THSD7A: variants seen among roughly 807,000 people sequenced by gnomAD.
THSD7A encodes the protein thrombospondin type 1 domain containing 7A.
A neutral mutation model predicts 231.3 loss-of-function variants in THSD7A; 96 were observed. That is an observed-to-expected ratio of 0.41 (90% CI 0.35 to 0.49). The LOEUF is 0.49. Among genes scored for constraint, THSD7A ranks in the 20% least tolerant of loss-of-function variants. The pLI, the probability that THSD7A is intolerant of heterozygous loss-of-function variation, is 0.05. For missense variants in THSD7A, 2,290 were observed against 2,070.2 expected, an observed-to-expected ratio of 1.11 and a Z score of -2.06; for synonymous variants, 940 against 743.3, an observed-to-expected ratio of 1.26 and a Z score of -4.30.
chr7:11,482,179 C>T (rs1388332967), intron 6 of THSD7A, among the ~76,000 whole-genome samples, 197 bp from the exon 7 acceptor site: 1 of 152,158 alleles, frequency 6.6e-6, no homozygotes, highest in African/African-American at 2.4e-5. Context: ...CACACATATA[C>T]ACTCATGACC....
rs780182315 is a variant in THSD7A at position 11,401,942 on chromosome 7, A to G, written c.4264T>C (p.Ser1422Pro). ...PGDCYLKDWS[S>P]WSLCQLTCVN... ...CAGGTCAGCTGACACAGGCTCCAGG[A>G]AGACCAGTCCTTCAAATAACAGTCA... is the stretch of plus-strand genomic sequence containing the variant. Residue 1422 changes from serine to proline, a missense_variant, in exon 23 of 28, where the codon TCC (serine) becomes CCC (proline). Transcript: ENST00000423059. 6.2e-7 allele frequency: 1 copy of G among 1,613,542 alleles called. No individual in the cohort carries two copies. The highest frequency in any genetic ancestry group is 1.1e-5 in the South Asian group (1 of 90,980).
intron 13 of THSD7A, among the ~76,000 whole-genome samples, chr7:11,434,589 C>T (rs1784574184): frequency 6.6e-6 from 1 of 152,046 alleles, no homozygotes; most frequent in Non-Finnish European, 1.5e-5. Context: ...TGATTTATAG[C>T]TGTGTGAATG....
At chr7:11,587,821 G>C (rs62434529) in intron 4 of THSD7A, among the ~76,000 whole-genome samples, 185 of 152,170 alleles carry the variant, frequency 1.2e-3, no homozygotes, top group Middle Eastern at 3.4e-3. Context: ...AGTTAATAAA[G>C]GAAGTTTACA....
chr7:11,768,743 G>T (rs34132407), intron 1 of THSD7A, among the ~76,000 whole-genome samples: 46 of 151,910 alleles, frequency 3.0e-4, no homozygotes, highest in Non-Finnish European at 4.4e-5. Flanking sequence ...TTTATTCTAC[G>T]TTGTTAATTT....
chr7:11,615,859 T>C (rs1378133686), intron 2 of THSD7A, among the ~76,000 whole-genome samples: 1 of 152,170 alleles, frequency 6.6e-6, no homozygotes. Context: ...ATTTCCTCTA[T>C]TGTCTTGTTT....
At chr7:11,681,016 C>T (rs923681596) in intron 1 of THSD7A, among the ~76,000 whole-genome samples, 1 of 152,076 alleles carries the variant, frequency 6.6e-6, no homozygotes, top group African/African-American at 2.4e-5. Context: ...GAATAATATG[C>T]AGCCATAAAA....
chr7:11,607,469 A>T (rs988303191), intron 2 of THSD7A, among the ~76,000 whole-genome samples: 2 of 152,086 alleles, frequency 1.3e-5, no homozygotes, highest in African/African-American at 4.8e-5. Flanking sequence ...CTTCAATAAA[A>T]TTGTTCAACA....
chr7:11,583,607 A>G (rs1791266143), intron 4 of THSD7A, among the ~76,000 whole-genome samples: 1 of 151,922 alleles, frequency 6.6e-6, no homozygotes, highest in Non-Finnish European at 1.5e-5. Flanking sequence ...AGTATTTTCA[A>G]TCTTGGGAGT....
intron 1 of THSD7A, among the ~76,000 whole-genome samples, chr7:11,683,944 G>A (rs1054687622): frequency 1.3e-5 from 2 of 151,578 alleles, no homozygotes; most frequent in Non-Finnish European, 2.9e-5. Context: ...AAAACTACAG[G>A]CCAATATTCC....
At position 11,778,904 on chromosome 7, in the gene THSD7A, T is replaced by A. The variant is rs922992555; in HGVS notation, c.190+52853A>T. ...GTGCAGACTCTAAATTAAGAGCAAT[T>A]TATAAAGCACTTTTACATACTTTAT... On this transcript the variant is annotated intron_variant, in intron 1 of 27. Coordinates refer to ENST00000423059, the MANE Select transcript of THSD7A (RefSeq NM_015204.3). Among the ~76,000 whole-genome samples, 3 of 152,256 alleles carry A rather than the reference T, an allele frequency of 2.0e-5. No individual in the cohort carries two copies. The South Asian group carries it at 6.2e-4, about 32-fold the overall frequency.
At chr7:11,735,409 C>T (rs1443683519) in intron 1 of THSD7A, among the ~76,000 whole-genome samples, 1 of 151,918 alleles carries the variant, frequency 6.6e-6, no homozygotes. Context: ...AAATTCCATA[C>T]ATAAGCACTT....
chr7:11,411,233 A>T lies in THSD7A; in HGVS notation c.3772T>A (p.Ser1258Thr), dbSNP rs757215680. The T allele has an allele frequency of 6.2e-7, 1 of 1,613,758 alleles. No individual in the cohort carries two copies. Among genetic ancestry groups the T allele is most frequent in the African/African-American group, 1.3e-5 (1 of 75,028 alleles). Residue 1258 changes from serine (S) to threonine (T), a missense_variant, in exon 19 of 28, where the codon TCA (serine) becomes ACA (threonine). Coordinates refer to ENST00000423059, the MANE Select transcript of THSD7A (RefSeq NM_015204.3). This position sits in a 1 kb window ranked among gnomAD's most constrained non-coding sequence, Gnocchi z 4.1. ...MLDCVRSDGKSVDLKYCEALG... is the reference protein window; with the variant it reads ...MLDCVRSDGKTVDLKYCEALG... ...GCTTCACAATATTTCAGGTCAACTGACTTGCCATCACTTCGAACACAATCC... is the reference window on the plus strand; with the variant it reads ...GCTTCACAATATTTCAGGTCAACTGTCTTGCCATCACTTCGAACACAATCC...
At position 11,643,354 on chromosome 7, in the gene THSD7A, C is replaced by A. The variant is rs1043704906; in HGVS notation, c.191-6393G>T. ...AAATTTCTATTTGTTTTTACCCAAC[C>A]AAATCTCTGTAAAAAGATTAGAAAT... On this transcript the variant is annotated intron_variant, in intron 1 of 27. Transcript: ENST00000423059. 2.6e-5 allele frequency among the ~76,000 whole-genome samples: 4 copies of A among 151,936 alleles called. No individual in the cohort carries two copies. In the East Asian group the frequency reaches 5.8e-4, roughly 22 times the overall value.
chr7:11,767,127 T>A (rs1206318700), intron 1 of THSD7A, among the ~76,000 whole-genome samples: 1 of 152,028 alleles, frequency 6.6e-6, no homozygotes, highest in African/African-American at 2.4e-5. Flanking sequence ...TGGGAAGAAA[T>A]CAATAGTTCA....
intron 1 of THSD7A, among the ~76,000 whole-genome samples, chr7:11,796,260 C>G (rs2355093): frequency 0.74 from 110,446 of 149,956 alleles, 40,752 homozygotes; most frequent in East Asian, 0.79. Context: ...TTCTATATTT[C>G]TATTCTTGTG....
intron 1 of THSD7A, among the ~76,000 whole-genome samples, chr7:11,734,021 C>T (rs1239329451): frequency 6.6e-6 from 1 of 151,734 alleles, no homozygotes; most frequent in South Asian, 2.1e-4. Flanking sequence ...CTTTGTCTTC[C>T]CTTCTAACCT....
At chr7:11,795,429 G>C (rs1204886744) in intron 1 of THSD7A, among the ~76,000 whole-genome samples, 1 of 151,908 alleles carries the variant, frequency 6.6e-6, no homozygotes, top group East Asian at 1.9e-4. Context: ...CTATTTGTAG[G>C]AAATCACACA....
At chr7:11,546,202 G>GCGCACGCGCACACACACACACACACA (rs761841418) in intron 4 of THSD7A, among the ~76,000 whole-genome samples, 17 of 129,374 alleles carry the variant, frequency 1.3e-4, no homozygotes, top group Admixed American at 9.5e-4. Flanking sequence ...GTGGGCGCGC[G>GCGCACGCGCACACACACACACACACA]CTCACACACA....
intron 1 of THSD7A, among the ~76,000 whole-genome samples, chr7:11,816,634 C>A (rs1784712087): frequency 6.6e-6 from 1 of 152,070 alleles, no homozygotes; most frequent in Admixed American, 6.6e-5. Context: ...AATGCAAGGA[C>A]TTTTATAATA....
Sources: gnomAD v4.1 joint callset for allele counts (sites outside exome capture counted in the v4.1 genomes callset) on GRCh38, gnomAD v4.1.1 for gene constraint, Gnocchi (gnomAD v3.1) non-coding constraint, MANE v1.5 for transcripts, NCBI Gene and HGNC (gene_info 2026-07-23, HGNC 2026-07-21) for gene names.